Variants in TAS2R1 observed in about 807,000 individuals in gnomAD.
TAS2R1 encodes the protein taste receptor type 2 member 1.
For synonymous variants in TAS2R1, 141 were observed against 134.2 expected (o/e 1.05, Z -0.35); for missense variants, 370 against 353.4 (o/e 1.05, Z -0.38).
In TAS2R1 at chr5:9,676,531, T is replaced by C. The variant is rs540652810; in HGVS notation, c.-241-16950A>G. The stretch of plus-strand genomic sequence containing the variant: ...GGATTGTCTTTTCAACAAATAGTGC[T>C]GGAAAAATTGGGTATACATACATAC... On this transcript the variant is annotated intron_variant, in intron 1 of 2. Coordinates refer to the TAS2R1 transcript ENST00000506620. Among the ~76,000 whole-genome samples, 32 of 152,278 alleles carry C rather than the reference T, an allele frequency of 2.1e-4. 1 individual carries two copies. Among genetic ancestry groups the C allele is most frequent in the Admixed American group, 1.9e-3 (29 of 15,292 alleles).
the TAS2R1 span, among the ~76,000 whole-genome samples, chr5:9,768,429 A>C: frequency 6.6e-6 from 1 of 152,066 alleles, no homozygotes; most frequent in Non-Finnish European, 1.5e-5. Context: ...CTCACACTCA[A>C]CATGTCTAGC....
the TAS2R1 span, among the ~76,000 whole-genome samples, chr5:9,868,860 G>A: frequency 1.4e-4 from 22 of 152,088 alleles, no homozygotes; most frequent in African/African-American, 5.3e-4. Flanking sequence ...TCTAGGGCAG[G>A]GGCAAAATGC....
chr5:9,862,088 G>A, the TAS2R1 span, among the ~76,000 whole-genome samples: 1 of 152,114 alleles, frequency 6.6e-6, no homozygotes, highest in South Asian at 2.1e-4. Flanking sequence ...AGATGATAAA[G>A]CAGAGCAGGC....
At chr5:9,776,962 A>T in the TAS2R1 span, among the ~76,000 whole-genome samples, 8 of 152,236 alleles carry the variant, frequency 5.3e-5, no homozygotes, top group East Asian at 7.7e-4. Context: ...ACATATGTTT[A>T]AAAAATGTAC....
chr5:9,816,353 T>C, the TAS2R1 span, among the ~76,000 whole-genome samples: 1 of 152,170 alleles, frequency 6.6e-6, no homozygotes, highest in Non-Finnish European at 1.5e-5. Flanking sequence ...TTGATTATTT[T>C]AGTTTATTGT....
In TAS2R1 at chr5:9,677,798, A is replaced by G. The variant is rs142477248; in HGVS notation, c.-241-18217T>C. 3.4e-3 allele frequency among the ~76,000 whole-genome samples: 514 copies of G among 152,340 alleles called. 3 individuals are homozygous for G. Among genetic ancestry groups the G allele is most frequent in the African/African-American group, 0.012 (494 of 41,582 alleles). ...ACAAAGCTAAATGTAGTCTCATCAT[A>G]TGATCCAGTGATGCTCGCAGGTATT... On this transcript the variant is annotated intron_variant, in intron 1 of 2. Transcript: ENST00000506620.
At chr5:9,681,157 C>T (rs1414708286) in intron 1 of TAS2R1, among the ~76,000 whole-genome samples, 1 of 151,892 alleles carries the variant, frequency 6.6e-6, no homozygotes, top group African/African-American at 2.4e-5. Context: ...AAAAAGGACA[C>T]TAGGTATAAA....
chr5:9,780,707 GCACGCACA>G, the TAS2R1 span, among the ~76,000 whole-genome samples: 1 of 152,120 alleles, frequency 6.6e-6, no homozygotes, highest in Non-Finnish European at 1.5e-5. Flanking sequence ...GCGCGCGCAT[GCACGCACA>G]TGTGCGTTCA....
the TAS2R1 span, among the ~76,000 whole-genome samples, chr5:9,773,831 G>T: frequency 1.4e-4 from 22 of 152,208 alleles, no homozygotes; most frequent in Admixed American, 1.2e-3. Flanking sequence ...TTCTCCTGCT[G>T]CTTTAGGATA....
chr5:9,642,986 C>T (rs959115734), intron 2 of TAS2R1, among the ~76,000 whole-genome samples: 1 of 150,508 alleles, frequency 6.6e-6, no homozygotes, highest in Non-Finnish European at 1.5e-5. Flanking sequence ...TCCTTCTTTC[C>T]TCCCTCCTTC....
chr5:9,770,996 GC>G, the TAS2R1 span, among the ~76,000 whole-genome samples: 1 of 152,180 alleles, frequency 6.6e-6, no homozygotes, highest in Non-Finnish European at 1.5e-5. Flanking sequence ...AAGGCCTCCA[GC>G]TTTTCTCCAT....
the TAS2R1 span, among the ~76,000 whole-genome samples, chr5:9,754,619 A>G: frequency 3.3e-5 from 5 of 152,224 alleles, no homozygotes; most frequent in African/African-American, 9.7e-5. Context: ...AGAGAGCCAA[A>G]TCACGAGTGA....
the TAS2R1 span, among the ~76,000 whole-genome samples, chr5:9,718,109 G>A: frequency 2.0e-5 from 3 of 151,240 alleles, no homozygotes; most frequent in South Asian, 2.1e-4. Flanking sequence ...ACAGGCACAC[G>A]CCACCATGCC....
chr5:9,630,915 T>C (rs997312376), upstream of TAS2R1, among the ~76,000 whole-genome samples: 1 of 152,228 alleles, frequency 6.6e-6, no homozygotes, highest in Non-Finnish European at 1.5e-5. Flanking sequence ...TATTTCTTAA[T>C]ATGTATACCG....
At chr5:9,769,936 A>G in the TAS2R1 span, among the ~76,000 whole-genome samples, 1 of 151,892 alleles carries the variant, frequency 6.6e-6, no homozygotes, top group Non-Finnish European at 1.5e-5. Context: ...CCCTTTGTCC[A>G]TTTCTGCTTT....
At position 9,706,774 on chromosome 5, in the gene TAS2R1, TC is replaced by T. The variant is rs1202242934; in HGVS notation, c.-242+5397del. Among the ~76,000 whole-genome samples, 12 of 152,158 alleles carry T rather than the reference TC, an allele frequency of 7.9e-5. No individual in the cohort carries two copies. The East Asian group carries it at 1.7e-3, about 22-fold the overall frequency. ...ACGGAGAGCAGAGAGGAAGGCTTGGTCCACTCCCTGGGTGCTGCTGGGGAGG... is the reference window on the plus strand; with the variant it reads ...ACGGAGAGCAGAGAGGAAGGCTTGGTCACTCCCTGGGTGCTGCTGGGGAGG... On this transcript the variant is annotated intron_variant, in intron 1 of 2. Transcript: ENST00000506620.
the TAS2R1 span, among the ~76,000 whole-genome samples, chr5:9,775,486 T>C: frequency 1.3e-5 from 2 of 152,010 alleles, no homozygotes; most frequent in Admixed American, 1.3e-4. Flanking sequence ...TTCACTCTCC[T>C]TTTTCAAGCA....
the TAS2R1 span, among the ~76,000 whole-genome samples, chr5:9,772,678 C>T: frequency 2.6e-5 from 4 of 152,034 alleles, no homozygotes; most frequent in East Asian, 7.7e-4. Flanking sequence ...GCTGGGTGTT[C>T]CAGTGTTGGG....
At chr5:9,867,115 C>T in the TAS2R1 span, 3 of 152,178 alleles carry the variant, frequency 2.0e-5, no homozygotes, top group African/African-American at 7.2e-5. Context: ...TGGTTCTTGG[C>T]TGGCATCTGG....
Sources: allele counts gnomAD v4.1 joint callset (sites outside exome capture counted in the v4.1 genomes callset), GRCh38; gene constraint gnomAD v4.1.1; transcripts MANE v1.5; gene names NCBI Gene and HGNC (gene_info 2026-07-23, HGNC 2026-07-21).